Variants in DGKD observed in about 807,000 individuals in gnomAD.
The protein encoded by DGKD is diacylglycerol kinase delta.
A neutral mutation model predicts 154.4 loss-of-function variants in DGKD; 68 were observed. The ratio of observed to expected loss-of-function variants is 0.44; its 90% CI spans 0.36 to 0.54. The LOEUF (loss-of-function observed/expected upper bound fraction) is 0.54. Ranked by LOEUF, DGKD falls within the 20% of genes least tolerant of loss-of-function variation. The pLI, the probability that DGKD is intolerant of heterozygous loss-of-function variation, is 0.00. For missense variants in DGKD, 1,343 were observed against 1,593.6 expected, an observed-to-expected ratio of 0.84 and a Z score of 2.68; for synonymous variants, 693 against 638.0, an observed-to-expected ratio of 1.09 and a Z score of -1.30.
rs748823109 is a variant in DGKD, at chr2:233,435,895, G to A, written c.664G>A (p.Gly222Arg). ...NCKWTTLASI[G>R]KDIIEDADGI... Reference sequence around the variant, plus strand: ...CAAGTGGACCACACTGGCCTCGATCGGGAAGGACATCATTGAAGATGCAGA... The same window carrying A: ...CAAGTGGACCACACTGGCCTCGATCAGGAAGGACATCATTGAAGATGCAGA... Residue 222 changes from glycine to arginine, a missense_variant, in exon 6 of 30, where the codon GGG becomes AGG. Physicochemically the swap from Gly to Arg is moderately radical, Grantham distance 125 (BLOSUM62 -2). Coordinates refer to ENST00000264057, the MANE Select transcript of DGKD (RefSeq NM_152879.3). 3.1e-6 allele frequency: 5 copies of A among 1,611,100 alleles called. No individual in the cohort carries two copies. The highest frequency in any genetic ancestry group is 2.2e-5 in the East Asian group (1 of 44,832).
chr2:233,397,837 A>T (rs1245906832), intron 3 of DGKD, among the ~76,000 whole-genome samples: 1 of 151,712 alleles, frequency 6.6e-6, no homozygotes, highest in Non-Finnish European at 1.5e-5. Context: ...TGATCAGGTC[A>T]GAAGGGGGTG....
chr2:233,468,633 T>C, intron 29 of DGKD, 80 bp downstream of exon 29: 1 of 1,581,050 alleles, frequency 6.3e-7, no homozygotes. Context: ...TCCCCCGACC[T>C]GGCCATGTCC....
chr2:233,375,312 A>G (rs897438098), intron 1 of DGKD, among the ~76,000 whole-genome samples: 1 of 152,032 alleles, frequency 6.6e-6, no homozygotes, highest in African/African-American at 2.4e-5. Flanking sequence ...AAAAAGAAAA[A>G]AAAGAAAGAA....
intron 3 of DGKD, among the ~76,000 whole-genome samples, chr2:233,433,803 CTGAT>C (rs1367686055): frequency 6.6e-6 from 1 of 152,100 alleles, no homozygotes; most frequent in Non-Finnish European, 1.5e-5. Context: ...TTTTTTTCTA[CTGAT>C]TGATAAGAAC....
chr2:233,388,176 C>T lies in DGKD; in HGVS notation c.157-81C>T, dbSNP rs1031704463. 3.4e-5 allele frequency: 53 copies of T among 1,569,122 alleles called. No homozygotes were observed. In the Admixed American group the frequency reaches 4.0e-4, roughly 12 times the overall value. ...GTTAGAGACACGAATATGTTTCAGC[C>T]GCAACAGGCTGCGTTTCAGCCGGAA... On this transcript the variant is annotated intron_variant, in intron 1 of 29. Coordinates refer to ENST00000264057, the MANE Select transcript of DGKD (RefSeq NM_152879.3).
In DGKD at chr2:233,441,519, G is replaced by A. The variant is rs1575126884; in HGVS notation, c.1086-368G>A. 6.6e-6 allele frequency among the ~76,000 whole-genome samples: 1 copy of A among 152,206 alleles called. No homozygotes were observed. Among genetic ancestry groups the A allele is most frequent in the African/African-American group, 2.4e-5 (1 of 41,446 alleles). ...GGGGCAGGGACAGTGACGCAGGGTG[G>A]GCTCACATGGTTAGGGGCCACGGCA... On this transcript the variant is annotated intron_variant, in intron 9 of 29. Transcript: ENST00000264057. The surrounding 1 kb of genome is among the most constrained non-coding windows in gnomAD (Gnocchi z 5.6).
intron 1 of DGKD, among the ~76,000 whole-genome samples, chr2:233,387,362 C>T (rs1703251989): frequency 2.0e-5 from 3 of 152,114 alleles, no homozygotes; most frequent in Admixed American, 1.3e-4. Flanking sequence ...TGGGCATTTC[C>T]GTGAGGTGGG....
At chr2:233,358,925 A>C (rs1362542876) in intron 1 of DGKD, among the ~76,000 whole-genome samples, 1 of 152,212 alleles carries the variant, frequency 6.6e-6, no homozygotes, top group Non-Finnish European at 1.5e-5. Context: ...TAGGAGTGGA[A>C]GTGCTGGGCC....
chr2:233,450,253 T>C, intron 16 of DGKD, 122 bp downstream of exon 16: 1 of 1,305,954 alleles, frequency 7.7e-7, no homozygotes, highest in Non-Finnish European at 1.0e-6. Context: ...CTTGGTTACA[T>C]AAAAATTGAG....
At chr2:233,460,442 G>T in intron 24 of DGKD, 97 bp downstream of exon 24, 1 of 1,471,744 alleles carries the variant, frequency 6.8e-7, no homozygotes, top group South Asian at 1.3e-5. Flanking sequence ...TGCTGCTCCT[G>T]ACTTTTGTGG....
intron 1 of DGKD, among the ~76,000 whole-genome samples, chr2:233,383,999 A>G (rs1703033535): frequency 6.6e-6 from 1 of 152,134 alleles, no homozygotes; most frequent in Non-Finnish European, 1.5e-5. Flanking sequence ...GCATTTGCTG[A>G]TGTGGCTATA....
At chr2:233,376,853 G>A (rs1465727278) in intron 1 of DGKD, among the ~76,000 whole-genome samples, 6 of 151,982 alleles carry the variant, frequency 3.9e-5, no homozygotes, top group African/African-American at 1.5e-4. Context: ...GTGCTGCTGC[G>A]GGTGCTGCCC....
intron 3 of DGKD, chr2:233,429,107 C>T (rs1484603311): frequency 1.0e-6 from 1 of 984,732 alleles, no homozygotes; most frequent in Non-Finnish European, 1.2e-6. Flanking sequence ...CCCTCTCCTT[C>T]AGTGTGTGGG....
Position 233,457,676 on chromosome 2 carries a change from C to G in DGKD, c.2580+348C>G, listed in dbSNP as rs745376730. The G allele has an allele frequency of 1.4e-5, 6 of 442,014 alleles. No individual in the cohort carries two copies. The highest frequency in any genetic ancestry group is 2.7e-5 in the Non-Finnish European group (6 of 223,050). The allele number at this position is 442,014 out of a possible 1,614,324, so 27.4% of individuals were successfully genotyped here. ...GGGCAGAGGAGAGGGGGAGGCTGTT[C>G]CAGGCAGAGAGAATTGCACAGATGA... On this transcript the variant is annotated intron_variant, in intron 21 of 29. Transcript: ENST00000264057. The surrounding 1 kb of genome is among the most constrained non-coding windows in gnomAD (Gnocchi z 5.5).
At chr2:233,460,002 T>G in intron 23 of DGKD, 111 bp downstream of exon 23, 2 of 1,456,592 alleles carry the variant, frequency 1.4e-6, no homozygotes, top group South Asian at 3.0e-5. Context: ...GATTTTTTTT[T>G]TTTTTAAGAC....
chr2:233,378,700 C>A (rs1702723917), intron 1 of DGKD, among the ~76,000 whole-genome samples: 1 of 152,108 alleles, frequency 6.6e-6, no homozygotes, highest in South Asian at 2.1e-4. Flanking sequence ...GCCCCTTTTT[C>A]TACCAGATTT....
At chr2:233,389,485 G>A (rs1703430505) in intron 2 of DGKD, among the ~76,000 whole-genome samples, 1 of 151,636 alleles carries the variant, frequency 6.6e-6, no homozygotes, top group South Asian at 2.1e-4. Flanking sequence ...TTTACATTTT[G>A]AGACATATCC....
rs1165004601 is a variant in DGKD, at chr2:233,363,451, AAAATT to A, written c.156+8786_156+8790del. Among the ~76,000 whole-genome samples, 44 of 152,330 alleles carry A rather than the reference AAAATT, an allele frequency of 2.9e-4. 1 individual carries two copies. Among genetic ancestry groups the A allele is most frequent in the South Asian group, 8.3e-4 (4 of 4,826 alleles). The stretch of plus-strand genomic sequence containing the variant: ...GCTAAATGTTACTACAAAAGAGTAA[AAAATT>A]AAATTAAAAGTTTATAAAGTAAAAA... On this transcript the variant is annotated intron_variant, in intron 1 of 29. Coordinates refer to ENST00000264057, the MANE Select transcript of DGKD (RefSeq NM_152879.3).
Position 233,457,558 on chromosome 2 carries a change from ATGTGGTCAGCGGG to A in DGKD, c.2580+235_2580+247del. 1 of 644,726 alleles carries A rather than the reference ATGTGGTCAGCGGG, an allele frequency of 1.6e-6. No individual in the cohort carries two copies. Among genetic ancestry groups the A allele is most frequent in the Non-Finnish European group, 2.9e-6 (1 of 347,322 alleles). The allele number at this position is 644,726 out of a possible 1,614,324, so 39.9% of individuals were successfully genotyped here. A position where few individuals can be genotyped will look rare whatever the true frequency, so the allele number is the denominator to read the frequency against. ...GTCAGTGAGGGTCTGTGGTCAGCAG[ATGTGGTCAGCGGG>A]TGTGACGTGGAAGGAGGGTCAGGGA... On this transcript the variant is annotated intron_variant, in intron 21 of 29. Coordinates refer to ENST00000264057, the MANE Select transcript of DGKD (RefSeq NM_152879.3). This position sits in a 1 kb window ranked among gnomAD's most constrained non-coding sequence, Gnocchi z 5.5.
Sources: gnomAD v4.1 joint callset for allele counts (sites outside exome capture counted in the v4.1 genomes callset) on GRCh38, gnomAD v4.1.1 for gene constraint, Gnocchi (gnomAD v3.1) non-coding constraint, MANE v1.5 for transcripts, NCBI Gene and HGNC (gene_info 2026-07-23, HGNC 2026-07-21) for gene names.